Variants in XPO7 observed in about 807,000 individuals in gnomAD.
The protein encoded by XPO7 is exportin-7.
A neutral mutation model predicts 144.3 loss-of-function variants in XPO7; 21 were observed. The observed-to-expected ratio is 0.15, with a 90% CI of 0.10 to 0.21. The LOEUF is 0.21. Among genes scored for constraint, XPO7 ranks in the 10% least tolerant of loss-of-function variants. The probability of loss-of-function intolerance (pLI) is 1.00; values close to 1 mark genes in which losing one functional copy is unlikely to be tolerated. For missense variants in XPO7, 808 were observed against 1,325.8 expected (o/e 0.61, Z 6.06); for synonymous variants, 580 against 499.6 (o/e 1.16, Z -2.15).
chr8:21,938,861 G>A (rs1173177019), intron 1 of XPO7, among the ~76,000 whole-genome samples: 2 of 151,808 alleles, frequency 1.3e-5, no homozygotes, highest in African/African-American at 2.4e-5. Flanking sequence ...TATGATTCTT[G>A]AGTTTTTATG....
At chr8:22,003,879 T>C (rs201399661) in intron 26 of XPO7, 24 bp from the exon 27 acceptor site, 2 of 1,613,480 alleles carry the variant, frequency 1.2e-6, no homozygotes, top group African/African-American at 2.7e-5. Flanking sequence ...TCTCTAACCT[T>C]CTGTTCCACT....
chr8:21,940,807 A>C (rs1810965672), intron 1 of XPO7, among the ~76,000 whole-genome samples: 1 of 152,050 alleles, frequency 6.6e-6, no homozygotes, highest in Non-Finnish European at 1.5e-5. Flanking sequence ...TAGTCTTGCC[A>C]AAAACACTTC....
chr8:21,921,685 AG>A (rs2117229194), intron 1 of XPO7: 1 of 152,368 alleles, frequency 6.6e-6, no homozygotes, highest in Admixed American at 6.5e-5. Context: ...AATCTACGGA[AG>A]TAAGAATTTA....
intron 1 of XPO7, among the ~76,000 whole-genome samples, chr8:21,936,589 G>A (rs963025263): frequency 3.3e-5 from 5 of 152,148 alleles, no homozygotes; most frequent in African/African-American, 1.2e-4. Flanking sequence ...TCTATCACCT[G>A]TTGCCCACAA....
chr8:21,949,024 G>C (rs1451608914), intron 1 of XPO7, among the ~76,000 whole-genome samples: 2 of 152,168 alleles, frequency 1.3e-5, no homozygotes, highest in Non-Finnish European at 2.9e-5. Flanking sequence ...CAAGTTACGG[G>C]CCCTAAGATG....
At chr8:21,947,620 A>G (rs543188574) in intron 1 of XPO7, among the ~76,000 whole-genome samples, 1 of 152,340 alleles carries the variant, frequency 6.6e-6, no homozygotes, top group African/African-American at 2.4e-5. Flanking sequence ...CTTAGAAGAT[A>G]ATATAAAAGA....
chr8:21,942,640 T>C (rs1811031269), intron 1 of XPO7, among the ~76,000 whole-genome samples: 1 of 152,240 alleles, frequency 6.6e-6, no homozygotes, highest in Admixed American at 6.5e-5. Context: ...TAGATAATTG[T>C]GGGTATTCTT....
At chr8:21,984,575 A>C in intron 11 of XPO7, 71 bp from the exon 12 acceptor site, 3 of 1,380,794 alleles carry the variant, frequency 2.2e-6, no homozygotes, top group Non-Finnish European at 1.9e-6. Flanking sequence ...AAGAAGTCAG[A>C]GAGCTGCTAT....
At position 22,004,042 on chromosome 8, in the gene XPO7, G is replaced by A; in HGVS notation, c.3170+12G>A. The A allele has an allele frequency of 6.2e-7, 1 of 1,613,680 alleles. No homozygotes were observed. Among genetic ancestry groups the A allele is most frequent in the Non-Finnish European group, 8.5e-7 (1 of 1,179,740 alleles). ...AAAAACAGAGACAGGTGAGTATAAA[G>A]CGTCCTGCCTAGAAATCTCAGACAA... On this transcript the variant is annotated intron_variant, in intron 27 of 27. Transcript: ENST00000252512.
At chr8:21,990,011 G>A (rs1038592042) in intron 16 of XPO7, among the ~76,000 whole-genome samples, 13 of 151,282 alleles carry the variant, frequency 8.6e-5, no homozygotes, top group African/African-American at 2.9e-4. Flanking sequence ...CACCATGCCC[G>A]GCTAATTTTT....
At chr8:21,967,682 C>G (rs927457620) in intron 2 of XPO7, among the ~76,000 whole-genome samples, 16 of 152,124 alleles carry the variant, frequency 1.1e-4, no homozygotes, top group African/African-American at 3.4e-4. Context: ...CCTCAGTCTT[C>G]TCTGTGTTTT....
intron 21 of XPO7, among the ~76,000 whole-genome samples, chr8:21,996,780 T>C (rs1273650699): frequency 1.3e-5 from 2 of 152,104 alleles, no homozygotes; most frequent in Non-Finnish European, 2.9e-5. Flanking sequence ...AGTAAGGTTT[T>C]TTTTCTTTAT....
At position 21,966,988 on chromosome 8, in the gene XPO7, C is replaced by A; in HGVS notation, c.150C>A (p.Leu50=). 6.2e-7 allele frequency: 1 copy of A among 1,613,384 alleles called. No individual in the cohort carries two copies. ...ATTGCCTGAGCAAGTGCCAGCTACT[C>A]CTCGAAAGAGGAAGTGTGCGTAAGA... is the stretch of plus-strand genomic sequence containing the variant. ...SPDCLSKCQL[L]LERGSSSYSQ... Residue 50 remains leucine, a synonymous_variant, in exon 2 of 28, where the codon CTC becomes CTA. Transcript: ENST00000252512.
intron 1 of XPO7, among the ~76,000 whole-genome samples, chr8:21,950,825 A>G (rs1811345382): frequency 6.6e-6 from 1 of 152,128 alleles, no homozygotes; most frequent in African/African-American, 2.4e-5. Flanking sequence ...AAATTTATAT[A>G]GAAAATGAGG....
chr8:21,923,434 AAT>A (rs1202449897), intron 1 of XPO7, among the ~76,000 whole-genome samples: 1 of 152,216 alleles, frequency 6.6e-6, no homozygotes, highest in Non-Finnish European at 1.5e-5. Flanking sequence ...TTATACAAAT[AAT>A]ATGTGTGTAT....
At chr8:21,992,877 A>C (rs1282098677) in intron 19 of XPO7, among the ~76,000 whole-genome samples, 1 of 152,182 alleles carries the variant, frequency 6.6e-6, no homozygotes, top group Non-Finnish European at 1.5e-5. Context: ...TATTGGTAGG[A>C]CTTTTTACAG....
intron 27 of XPO7, among the ~76,000 whole-genome samples, chr8:22,004,400 G>T (rs1813254091): frequency 6.6e-6 from 1 of 152,130 alleles, no homozygotes; most frequent in African/African-American, 2.4e-5. Flanking sequence ...AGTTGACAAA[G>T]TAGATTCCTG....
At chr8:22,002,554 C>T (rs1341153032) in intron 25 of XPO7, among the ~76,000 whole-genome samples, 1 of 152,182 alleles carries the variant, frequency 6.6e-6, no homozygotes, top group African/African-American at 2.4e-5. Flanking sequence ...AATTACTTTG[C>T]TCACCCACTG....
At chr8:21,950,244 A>G (rs1811324012) in intron 1 of XPO7, among the ~76,000 whole-genome samples, 1 of 152,218 alleles carries the variant, frequency 6.6e-6, no homozygotes. Flanking sequence ...CAAAGCAGGA[A>G]CAGAAATTTA....
Sources: gnomAD v4.1 joint callset for allele counts (sites outside exome capture counted in the v4.1 genomes callset) on GRCh38, gnomAD v4.1.1 for gene constraint, MANE v1.5 for transcripts, NCBI Gene and HGNC (gene_info 2026-07-23, HGNC 2026-07-21) for gene names.